Variants in VPS26C observed in about 807,000 individuals in gnomAD.
VPS26C encodes vacuolar protein sorting-associated protein 26C.
Under a neutral mutation model 30.6 loss-of-function variants are expected in VPS26C, and 19 were observed. That is an observed-to-expected ratio of 0.62 (90% CI 0.43 to 0.91). The LOEUF (loss-of-function observed/expected upper bound fraction) is 0.91. VPS26C is among the 40% of genes least tolerant of loss of function. The pLI is 0.00. For synonymous variants in VPS26C, 132 were observed against 151.5 expected (o/e 0.87, Z 0.95); for missense variants, 318 against 385.1 (o/e 0.83, Z 1.46).
intron 1 of VPS26C, among the ~76,000 whole-genome samples, chr21:37,264,034 T>C (rs528942294): frequency 1.3e-5 from 2 of 152,186 alleles, no homozygotes; most frequent in Non-Finnish European, 2.9e-5. Context: ...AAAACAGCCA[T>C]GACAGTGCTG....
At chr21:37,253,664 G>C (rs2086215509) in intron 1 of VPS26C, among the ~76,000 whole-genome samples, 1 of 152,176 alleles carries the variant, frequency 6.6e-6, no homozygotes, top group South Asian at 2.1e-4. Flanking sequence ...TCAGGAGTTA[G>C]ATAGCACATA....
intron 1 of VPS26C, among the ~76,000 whole-genome samples, chr21:37,251,944 C>T (rs2148301612): frequency 6.6e-6 from 1 of 152,298 alleles, no homozygotes; most frequent in East Asian, 1.9e-4. Flanking sequence ...ATTCTCTCTG[C>T]AATGCTTTTC....
At chr21:37,253,521 T>C (rs2086214563) in intron 1 of VPS26C, among the ~76,000 whole-genome samples, 1 of 152,112 alleles carries the variant, frequency 6.6e-6, no homozygotes, top group Admixed American at 6.6e-5. Flanking sequence ...GAAAAGAAAC[T>C]GAAGCCACTG....
chr21:37,230,732 G>A (rs967760793), intron 5 of VPS26C: 1 of 152,316 alleles, frequency 6.6e-6, no homozygotes, highest in African/African-American at 2.4e-5. Context: ...CCGGGAGTTC[G>A]GGGCACCCGT....
At chr21:37,246,272 C>G (rs1476774794) in intron 1 of VPS26C, among the ~76,000 whole-genome samples, 1 of 151,892 alleles carries the variant, frequency 6.6e-6, no homozygotes, top group Non-Finnish European at 1.5e-5. Flanking sequence ...GGAAAAGAAA[C>G]CATATTTCTC....
intron 1 of VPS26C, among the ~76,000 whole-genome samples, chr21:37,263,663 T>C (rs1198300499): frequency 6.6e-6 from 1 of 152,206 alleles, no homozygotes; most frequent in Non-Finnish European, 1.5e-5. Context: ...CACGTTTCAC[T>C]TGAAAGACAA....
At chr21:37,240,667 A>C (rs1220980119) in intron 1 of VPS26C, 28 bp from the exon 2 acceptor site, 1 of 1,606,438 alleles carries the variant, frequency 6.2e-7, no homozygotes, top group Non-Finnish European at 8.5e-7. Flanking sequence ...GCCACCAATC[A>C]AATTAGCATG....
intron 1 of VPS26C, among the ~76,000 whole-genome samples, chr21:37,258,846 C>A (rs2086275015): frequency 1.3e-5 from 2 of 152,218 alleles, no homozygotes; most frequent in Non-Finnish European, 2.9e-5. Context: ...CAGGCTGGTA[C>A]AAGATTTGCA....
chr21:37,231,073 T>G (rs2085957496), intron 5 of VPS26C, among the ~76,000 whole-genome samples: 2 of 152,188 alleles, frequency 1.3e-5, no homozygotes, highest in Admixed American at 6.5e-5. Flanking sequence ...GAGCAGGTGC[T>G]GAGGACCAGG....
At chr21:37,243,922 T>C (rs1277434870) in intron 1 of VPS26C, among the ~76,000 whole-genome samples, 1 of 152,232 alleles carries the variant, frequency 6.6e-6, no homozygotes, top group Non-Finnish European at 1.5e-5. Context: ...CTGTATCTTC[T>C]GGGCAGCTGT....
chr21:37,228,446 A>G, intron 5 of VPS26C, 73 bp from the exon 6 acceptor site: 1 of 1,551,532 alleles, frequency 6.4e-7, no homozygotes. Context: ...TGGTGCAAAT[A>G]AAACCTGGAA....
intron 1 of VPS26C, among the ~76,000 whole-genome samples, chr21:37,240,937 A>T (rs2086080853): frequency 6.6e-6 from 1 of 152,162 alleles, no homozygotes; most frequent in Non-Finnish European, 1.5e-5. Flanking sequence ...ATCTCAACAG[A>T]TGTCTGAATT....
At chr21:37,241,542 G>T (rs956695479) in intron 1 of VPS26C, among the ~76,000 whole-genome samples, 3 of 152,194 alleles carry the variant, frequency 2.0e-5, no homozygotes, top group African/African-American at 7.2e-5. Context: ...CTCAGGCTGG[G>T]CGTGGTGGCT....
At chr21:37,253,421 G>T (rs1005257283) in intron 1 of VPS26C, among the ~76,000 whole-genome samples, 1 of 152,218 alleles carries the variant, frequency 6.6e-6, no homozygotes, top group East Asian at 1.9e-4. Flanking sequence ...ACACACAGGC[G>T]TCAATACTAA....
rs759875391 is a variant in VPS26C at position 37,227,640 on chromosome 21, C to T, written c.811+14G>A. The T allele has an allele frequency of 1.5e-5, 24 of 1,612,172 alleles. No individual in the cohort carries two copies. Among genetic ancestry groups the T allele is most frequent in the Middle Eastern group, 1.7e-4 (1 of 6,006 alleles). On this transcript the variant is annotated intron_variant, in intron 7 of 7. Coordinates refer to ENST00000309117, the MANE Select transcript of VPS26C (RefSeq NM_006052.2). ...CCATGGGCCCATGAGGGCTGGGAGG[C>T]GAGTGCCACTTACCCACTTTGAAGT... is the stretch of plus-strand genomic sequence containing the variant.
intron 1 of VPS26C, among the ~76,000 whole-genome samples, chr21:37,258,777 G>A (rs2086274196): frequency 6.6e-6 from 1 of 152,144 alleles, no homozygotes; most frequent in East Asian, 1.9e-4. Context: ...AGCAGGCTGA[G>A]ACCTGTCCAG....
chr21:37,267,728 G>T (rs1350573691), upstream of VPS26C: 1 of 228,260 alleles, frequency 4.4e-6, no homozygotes, highest in East Asian at 1.4e-4. Flanking sequence ...TGACGCTCCC[G>T]TCAGGCTGTG....
rs778535334 is a variant in VPS26C, at chr21:37,225,095, G to A, written c.*449C>T. On this transcript the variant is annotated 3_prime_UTR_variant, in exon 8 of 8. Transcript: ENST00000309117. Reference sequence around the variant, plus strand: ...TGCAAACTTCCTGACCATCAAGTGCGCTTGCAGCCATCCTGGATGTCAACT... The same window carrying A: ...TGCAAACTTCCTGACCATCAAGTGCACTTGCAGCCATCCTGGATGTCAACT... 5 of 173,064 alleles carry A rather than the reference G, an allele frequency of 2.9e-5. No homozygotes were observed. The highest frequency in any genetic ancestry group is 1.4e-4 in the East Asian group (1 of 6,972). 10.7% of individuals were successfully genotyped at this position (173,064 alleles called of 1,614,324 possible).
At chr21:37,246,711 A>G (rs1402266999) in intron 1 of VPS26C, among the ~76,000 whole-genome samples, 1 of 152,234 alleles carries the variant, frequency 6.6e-6, no homozygotes, top group Admixed American at 6.5e-5. Flanking sequence ...TATAATGTAC[A>G]TGGCTTTCCC....
Sources: gnomAD v4.1 joint callset for allele counts (sites outside exome capture counted in the v4.1 genomes callset) on GRCh38, gnomAD v4.1.1 for gene constraint, MANE v1.5 for transcripts, NCBI Gene and HGNC (gene_info 2026-07-23, HGNC 2026-07-21) for gene names.